The following DPP6 variants were observed in gnomAD, a reference collection of about 807,000 sequenced individuals.
DPP6 encodes the protein dipeptidyl peptidase like 6, also known as A-type potassium channel modulatory protein DPP6.
In DPP6, 69 loss-of-function variants were observed where a neutral mutation model predicts 122.6. The ratio of observed to expected loss-of-function variants is 0.56; its 90% CI spans 0.46 to 0.69. DPP6 has a LOEUF of 0.69. Among genes scored for constraint, DPP6 ranks in the 30% least tolerant of loss-of-function variants. The probability of loss-of-function intolerance (pLI) is 0.00; values close to 1 mark genes in which losing one functional copy is unlikely to be tolerated. For synonymous variants in DPP6, 418 were observed against 433.1 expected (o/e 0.97, Z 0.43); for missense variants, 928 against 1,116.9 (o/e 0.83, Z 2.41).
chr7:153,757,874 G>A, the DPP6 span, among the ~76,000 whole-genome samples: 7 of 152,266 alleles, frequency 4.6e-5, no homozygotes, highest in South Asian at 1.0e-3. Context: ...CAGGAGAATC[G>A]CTTGAACCCA....
At chr7:154,485,693 G>A (rs994068377) in intron 3 of DPP6, among the ~76,000 whole-genome samples, 1 of 152,218 alleles carries the variant, frequency 6.6e-6, no homozygotes. Flanking sequence ...GCCAGCAGCA[G>A]CGGAAGCAAT....
At chr7:154,098,682 A>T (rs1186976907) in intron 1 of DPP6, among the ~76,000 whole-genome samples, 2 of 151,676 alleles carry the variant, frequency 1.3e-5, no homozygotes, top group South Asian at 2.1e-4. Flanking sequence ...GGGCAGAAGA[A>T]GGGTGGATAT....
intron 1 of DPP6, among the ~76,000 whole-genome samples, chr7:154,006,517 G>A (rs1369343657): frequency 6.6e-6 from 1 of 152,186 alleles, no homozygotes; most frequent in African/African-American, 2.4e-5. Context: ...AACAAGTGGA[G>A]GTCTCTTCCA....
At chr7:154,704,521 C>A (rs1218268644) in intron 7 of DPP6, among the ~76,000 whole-genome samples, 1 of 152,128 alleles carries the variant, frequency 6.6e-6, no homozygotes, top group Non-Finnish European at 1.5e-5. Context: ...AAGGAAGAAT[C>A]AATCAATGTG....
At chr7:153,931,458 T>G (rs2129013208) in intron 1 of DPP6, among the ~76,000 whole-genome samples, 1 of 152,334 alleles carries the variant, frequency 6.6e-6, no homozygotes, top group East Asian at 1.9e-4. Flanking sequence ...TTACTATCAT[T>G]TCAGGCTCAT....
intron 1 of DPP6, among the ~76,000 whole-genome samples, chr7:153,939,380 C>T (rs1395729346): frequency 6.6e-6 from 1 of 152,218 alleles, no homozygotes; most frequent in Non-Finnish European, 1.5e-5. Context: ...CTCTGTGCCA[C>T]AGTTGGGAGC....
At chr7:154,643,184 C>A (rs1190733105) in intron 6 of DPP6, among the ~76,000 whole-genome samples, 1 of 151,916 alleles carries the variant, frequency 6.6e-6, no homozygotes, top group African/African-American at 2.4e-5. Context: ...TTTTAATTTC[C>A]CTCTTAAAAG....
intron 1 of DPP6, among the ~76,000 whole-genome samples, chr7:154,134,726 C>T (rs923613894): frequency 1.3e-5 from 2 of 152,150 alleles, no homozygotes; most frequent in Non-Finnish European, 2.9e-5. Flanking sequence ...GCTTACACTT[C>T]CCATGAGCTT....
intron 25 of DPP6, 80 bp from the exon 26 acceptor site, chr7:154,892,254 A>T: frequency 6.3e-7 from 1 of 1,588,750 alleles, no homozygotes; most frequent in South Asian, 1.1e-5. Context: ...AGGTTTCACT[A>T]AACTCCACAC....
chr7:153,873,266 GAC>G, the DPP6 span, among the ~76,000 whole-genome samples: 2 of 152,196 alleles, frequency 1.3e-5, no homozygotes, highest in Non-Finnish European at 2.9e-5. Flanking sequence ...CTGCCCTCAT[GAC>G]ACAAACACCT....
chr7:154,388,298 A>G (rs1307993293), intron 1 of DPP6, among the ~76,000 whole-genome samples: 1 of 152,186 alleles, frequency 6.6e-6, no homozygotes, highest in African/African-American at 2.4e-5. Flanking sequence ...AAAAATATAT[A>G]GTGATTGAAT....
intron 12 of DPP6, chr7:154,796,188 G>C: frequency 5.2e-6 from 2 of 387,722 alleles, no homozygotes; most frequent in Non-Finnish European, 9.2e-6. Flanking sequence ...AATTGAAAAT[G>C]AACAGTCCAT....
intron 16 of DPP6, among the ~76,000 whole-genome samples, chr7:154,848,638 T>G (rs1802131102): frequency 6.6e-6 from 1 of 152,240 alleles, no homozygotes; most frequent in South Asian, 2.1e-4. Flanking sequence ...ATTAATTGCT[T>G]TCTTTGCTAT....
chr7:153,948,889 A>G (rs1440612500), intron 1 of DPP6, among the ~76,000 whole-genome samples: 3 of 151,142 alleles, frequency 2.0e-5, no homozygotes, highest in Non-Finnish European at 4.4e-5. Context: ...ATTCTGATTC[A>G]CATTTAAGGA....
chr7:154,466,837 C>G (rs1345694769), intron 2 of DPP6, among the ~76,000 whole-genome samples: 1 of 152,162 alleles, frequency 6.6e-6, no homozygotes, highest in East Asian at 1.9e-4. Flanking sequence ...TCACTCTACC[C>G]CAAGGTCCCC....
the DPP6 span, among the ~76,000 whole-genome samples, chr7:153,830,653 G>T: frequency 1.3e-5 from 2 of 152,174 alleles, no homozygotes; most frequent in African/African-American, 2.4e-5. Flanking sequence ...TTGTGCTCGT[G>T]CTTGGTAACA....
At chr7:154,853,950 C>A (rs1374794386) in intron 17 of DPP6, 123 bp downstream of exon 17, 2 of 1,344,810 alleles carry the variant, frequency 1.5e-6, no homozygotes, top group Non-Finnish European at 2.1e-6. Context: ...CATGTCCTAG[C>A]AGTTCAGAAT....
intron 1 of DPP6, among the ~76,000 whole-genome samples, chr7:153,996,360 TAGAA>T (rs1482262531): frequency 6.6e-6 from 1 of 152,192 alleles, no homozygotes; most frequent in African/African-American, 2.4e-5. Context: ...CCTCCTGTCT[TAGAA>T]AGATGTAGGG....
At chr7:154,502,395 T>C (rs1825328457) in intron 3 of DPP6, among the ~76,000 whole-genome samples, 1 of 152,164 alleles carries the variant, frequency 6.6e-6, no homozygotes, top group South Asian at 2.1e-4. Context: ...TCTTGAATTG[T>C]AATTCCCACA....
Sources: allele counts gnomAD v4.1 joint callset (sites outside exome capture counted in the v4.1 genomes callset), GRCh38; gene constraint gnomAD v4.1.1; transcripts MANE v1.5; gene names NCBI Gene and HGNC (gene_info 2026-07-23, HGNC 2026-07-21).